The following FMN2 variants were observed in gnomAD, a reference collection of about 807,000 sequenced individuals.
FMN2 encodes the protein formin 2, also known as formin-2.
FMN2 carries 51 observed loss-of-function variants against 142.3 expected under a neutral mutation model. That is an observed-to-expected ratio of 0.36 (90% CI 0.29 to 0.45). The LOEUF (loss-of-function observed/expected upper bound fraction) is 0.45. Among genes scored for constraint, FMN2 ranks in the 20% least tolerant of loss-of-function variants. FMN2 has a pLI of 1.00. For missense variants in FMN2, 1,936 were observed against 2,122.8 expected, an observed-to-expected ratio of 0.91 and a Z score of 1.73; for synonymous variants, 882 against 869.8, an observed-to-expected ratio of 1.01 and a Z score of -0.25.
intron 15 of FMN2, among the ~76,000 whole-genome samples, chr1:240,401,811 C>T (rs1228161199): frequency 1.3e-5 from 2 of 152,186 alleles, no homozygotes; most frequent in Non-Finnish European, 2.9e-5. Flanking sequence ...GGCAGGGCTG[C>T]GTGGTGGACA....
intron 3 of FMN2, among the ~76,000 whole-genome samples, chr1:240,185,231 T>G (rs1273920289): frequency 6.6e-6 from 1 of 152,040 alleles, no homozygotes; most frequent in East Asian, 1.9e-4. Flanking sequence ...TTATTCTGTA[T>G]TGTTTTCTTT....
chr1:240,206,010 C>T (rs959080202), intron 4 of FMN2, among the ~76,000 whole-genome samples: 3 of 151,712 alleles, frequency 2.0e-5, no homozygotes, highest in African/African-American at 7.3e-5. Context: ...TCAAGCTGTC[C>T]TTCCGCCTCA....
At chr1:240,436,022 GCATGTATGTGTTTATGTTAT>G (rs1279780682) in intron 15 of FMN2, among the ~76,000 whole-genome samples, 1 of 152,110 alleles carries the variant, frequency 6.6e-6, no homozygotes, top group African/African-American at 2.4e-5. Flanking sequence ...TTCCGAGAAG[GCATGTATGTGTTTATGTTAT>G]CAGTTTTAAT....
chr1:240,417,384 A>G (rs1250191407), intron 15 of FMN2, among the ~76,000 whole-genome samples: 1 of 151,808 alleles, frequency 6.6e-6, no homozygotes, highest in African/African-American at 2.4e-5. Flanking sequence ...TGAGGACACT[A>G]TCAATGTGAA....
intron 1 of FMN2, among the ~76,000 whole-genome samples, chr1:240,099,267 G>A (rs979450538): frequency 2.6e-5 from 4 of 151,740 alleles, no homozygotes; most frequent in Non-Finnish European, 5.9e-5. Flanking sequence ...AACTTAGCAG[G>A]ATATGAACTG....
rs58433196 is a variant in FMN2, at chr1:240,180,566, C to CTTTTT, written c.1930+2514_1930+2518dup. Among the ~76,000 whole-genome samples, 6 of 126,180 alleles carry CTTTTT rather than the reference C, an allele frequency of 4.8e-5. 2 individuals carry two copies. Among genetic ancestry groups the CTTTTT allele is most frequent in the South Asian group, 2.6e-4 (1 of 3,826 alleles). The allele number at this position is 126,180 out of a possible 152,430, so 82.8% of individuals were successfully genotyped here. A position where few individuals can be genotyped will look rare whatever the true frequency, so the allele number is the denominator to read the frequency against. ...ATCCACTGTATATAACACATGACCC[C>CTTTTT]TTTTTTTTTTTTTTTTTTTTAATGG... On this transcript the variant is annotated intron_variant, in intron 3 of 17. Coordinates refer to ENST00000319653, the MANE Select transcript of FMN2 (RefSeq NM_020066.5).
chr1:240,328,161 A>AAAAAAAAAAAAAAG (rs1671244800), intron 8 of FMN2, among the ~76,000 whole-genome samples: 1 of 149,266 alleles, frequency 6.7e-6, no homozygotes, highest in African/African-American at 2.5e-5. Flanking sequence ...AAAAAAAAAA[A>AAAAAAAAAAAAAAG]AAAAAAAAAA....
In FMN2 at chr1:240,451,707, G is replaced by A. The variant is rs560753477; in HGVS notation, c.5060+13497G>A. Among the ~76,000 whole-genome samples, 7 of 152,162 alleles carry A rather than the reference G, an allele frequency of 4.6e-5. No individual in the cohort carries two copies. The South Asian group carries it at 6.2e-4, about 14-fold the overall frequency. ...CTAGTAGAGCAATAGAAGAAAGTGC[G>A]CTTATAAGCCTGATATAGTAAAATA... On this transcript the variant is annotated intron_variant, in intron 16 of 17. Transcript: ENST00000319653.
chr1:240,369,291 A>G (rs947932865), intron 14 of FMN2, among the ~76,000 whole-genome samples: 1 of 151,990 alleles, frequency 6.6e-6, no homozygotes, highest in African/African-American at 2.4e-5. Context: ...TGCTGTTTTT[A>G]CTTCCCTCTA....
chr1:240,118,997 C>T (rs1662129762), intron 1 of FMN2, among the ~76,000 whole-genome samples: 1 of 151,992 alleles, frequency 6.6e-6, no homozygotes, highest in African/African-American at 2.4e-5. Flanking sequence ...AGGATGTTAC[C>T]CACGTTTTTT....
intron 15 of FMN2, among the ~76,000 whole-genome samples, chr1:240,430,982 T>TAAAA (rs377031896): frequency 1.3e-4 from 18 of 141,624 alleles, no homozygotes; most frequent in African/African-American, 4.6e-4. Flanking sequence ...TCAGTCCCTT[T>TAAAA]AAAAAAAAAA....
At chr1:240,450,074 C>T (rs1349160235) in intron 16 of FMN2, among the ~76,000 whole-genome samples, 1 of 152,006 alleles carries the variant, frequency 6.6e-6, no homozygotes, top group Non-Finnish European at 1.5e-5. Context: ...TTCTCATATA[C>T]TTATTATAAT....
chr1:240,281,580 A>T (rs1244202730), intron 7 of FMN2, among the ~76,000 whole-genome samples: 1 of 152,166 alleles, frequency 6.6e-6, no homozygotes, highest in Non-Finnish European at 1.5e-5. Flanking sequence ...TCTGTGGATG[A>T]ATAAAAATAT....
At chr1:240,346,048 C>A (rs1293538410) in intron 13 of FMN2, among the ~76,000 whole-genome samples, 1 of 151,992 alleles carries the variant, frequency 6.6e-6, no homozygotes, top group Non-Finnish European at 1.5e-5. Flanking sequence ...TTAACACAAG[C>A]TTGAGGAAAA....
intron 7 of FMN2, among the ~76,000 whole-genome samples, chr1:240,282,466 G>A (rs375093199): frequency 9.9e-5 from 15 of 152,158 alleles, no homozygotes; most frequent in Non-Finnish European, 8.8e-5. Flanking sequence ...GGAATAGAAC[G>A]CCACTATTTA....
At position 240,294,881 on chromosome 1, in the gene FMN2, A is replaced by G; in HGVS notation, c.4213A>G (p.Asn1405Asp). ...GGAGACCCTTCAAGCTCTCTATGAG[A>G]ATGTGAGTAATAGAAGGAATTTTAT... ...DLETLQALYE[N>D]RAQSDELEKI... The change falls in exon 8 of 18, where the codon AAT becomes GAT. Residue 1405 changes from asparagine to aspartate, a missense_variant and splice_region_variant. By Grantham distance (23) the Asn-to-Asp change is conservative. Around this residue, in one of 8 missense-constraint regions of FMN2, gnomAD observed 322 missense variants for 401.6 expected, o/e 0.80. Coordinates refer to ENST00000319653, the MANE Select transcript of FMN2 (RefSeq NM_020066.5). 1 of 1,613,248 alleles carries G rather than the reference A, an allele frequency of 6.2e-7. No individual in the cohort carries two copies. The highest frequency in any genetic ancestry group is 8.5e-7 in the Non-Finnish European group (1 of 1,179,326).
intron 6 of FMN2, among the ~76,000 whole-genome samples, chr1:240,211,964 A>C (rs1414378513): frequency 6.6e-6 from 1 of 152,198 alleles, no homozygotes; most frequent in East Asian, 1.9e-4. Context: ...AAGAATTGCT[A>C]ATGGTGCCCG....
intron 15 of FMN2, among the ~76,000 whole-genome samples, chr1:240,429,442 CTGTT>C (rs1236512045): frequency 6.6e-6 from 1 of 152,200 alleles, no homozygotes; most frequent in Non-Finnish European, 1.5e-5. Flanking sequence ...CTCTCTCTCT[CTGTT>C]TTTCTTCCTC....
intron 14 of FMN2, among the ~76,000 whole-genome samples, chr1:240,388,875 A>G (rs1673507458): frequency 6.8e-6 from 1 of 147,018 alleles, no homozygotes; most frequent in African/African-American, 2.6e-5. Flanking sequence ...AAAAAAAAAA[A>G]AAGGGGGGGG....
Sources: allele counts gnomAD v4.1 joint callset (sites outside exome capture counted in the v4.1 genomes callset), GRCh38; gene constraint gnomAD v4.1.1; regional missense constraint gnomAD v4.1.1; transcripts MANE v1.5; gene names NCBI Gene and HGNC (gene_info 2026-07-23, HGNC 2026-07-21).